The following MED6 variants were observed in gnomAD, a reference collection of about 807,000 sequenced individuals.
MED6 encodes the protein mediator of RNA polymerase II transcription subunit 6.
MED6 carries 33 observed loss-of-function variants against 37.5 expected under a neutral mutation model. The observed-to-expected ratio is 0.88, with a 90% CI of 0.67 to 1.18. The LOEUF (loss-of-function observed/expected upper bound fraction) is 1.18, where lower values mean the gene tolerates loss of function less well. Among genes scored for constraint, MED6 ranks in the 50% most tolerant of loss-of-function variants. The pLI is 0.00. For synonymous variants in MED6, 94 were observed against 93.6 expected (o/e 1.00, Z -0.02); for missense variants, 235 against 290.6 (o/e 0.81, Z 1.39).
intron 6 of MED6, among the ~76,000 whole-genome samples, chr14:70,589,358 T>TC (rs1473320742): frequency 6.6e-6 from 1 of 151,744 alleles, no homozygotes; most frequent in Non-Finnish European, 1.5e-5. Context: ...TTCCTAAGCA[T>TC]CCCCCCCATA....
chr14:70,593,598 C>T (rs112901235), intron 3 of MED6, among the ~76,000 whole-genome samples: 14 of 152,162 alleles, frequency 9.2e-5, no homozygotes, highest in African/African-American at 3.4e-4. Context: ...GACTACGAGG[C>T]CCACAAACCC....
At chr14:70,585,029 A>G in intron 7 of MED6, 86 bp from the exon 8 acceptor site, 1 of 1,433,568 alleles carries the variant, frequency 7.0e-7, no homozygotes, top group Non-Finnish European at 9.5e-7. Flanking sequence ...TCACATTTTC[A>G]AATTCATTTT....
chr14:70,592,060 C>T (rs985678017), intron 5 of MED6, among the ~76,000 whole-genome samples: 2 of 152,182 alleles, frequency 1.3e-5, no homozygotes, highest in African/African-American at 4.8e-5. Context: ...GCAAACTTTC[C>T]TTCATCAAAT....
In MED6 at chr14:70,593,388, T is replaced by C. The variant is rs1432678417; in HGVS notation, c.275-10A>G. On this transcript the variant is annotated splice_polypyrimidine_tract_variant and intron_variant, in intron 3 of 7. Transcript: ENST00000256379. ...TCAGCTAGTGGGATAACTAAAACAG[T>C]GGGAAAAAAGGTTTATAAATACAGC... 2 of 1,602,220 alleles carry C rather than the reference T, an allele frequency of 1.2e-6. No individual in the cohort carries two copies. Among genetic ancestry groups the C allele is most frequent in the Non-Finnish European group, 1.7e-6 (2 of 1,172,302 alleles).
At position 70,583,245 on chromosome 14, in the gene MED6, C is replaced by T. The variant is rs765271151; in HGVS notation, c.*1568G>A. 2.0e-5 allele frequency: 3 copies of T among 151,962 alleles called. No individual in the cohort carries two copies. Among genetic ancestry groups the T allele is most frequent in the Admixed American group, 6.6e-5 (1 of 15,260 alleles). The allele number at this position is 151,962 out of a possible 1,614,324, so 9.4% of individuals were successfully genotyped here. ...CTATTCTTACAACTTTTCTGTTTGC[C>T]GGAAATTATGTCAAAATAAGAAGTT... On this transcript the variant is annotated 3_prime_UTR_variant, in exon 8 of 8. Coordinates refer to ENST00000256379, the MANE Select transcript of MED6 (RefSeq NM_005466.4).
rs930691511 is a variant in MED6 at position 70,595,212 on chromosome 14, T to C, written c.274+1399A>G. 20 of 539,464 alleles carry C rather than the reference T, an allele frequency of 3.7e-5. No individual in the cohort carries two copies. In the African/African-American group the frequency reaches 3.8e-4, roughly 10 times the overall value. The allele number at this position is 539,464 out of a possible 1,614,324, so 33.4% of individuals were successfully genotyped here. A position where few individuals can be genotyped will look rare whatever the true frequency, so the allele number is the denominator to read the frequency against. ...GAACCGTGAAGAGGAAGTAAAGGCC[T>C]ACAAGCCCAGACTGCCAGCTCTGGG... On this transcript the variant is annotated intron_variant, in intron 3 of 7. Transcript: ENST00000256379.
intron 6 of MED6, among the ~76,000 whole-genome samples, chr14:70,586,386 T>C (rs1884708266): frequency 6.6e-6 from 1 of 152,172 alleles, no homozygotes; most frequent in Non-Finnish European, 1.5e-5. Context: ...TGTCATCTCC[T>C]TTGCCCCATT....
rs1353091275 is a variant in MED6 at position 70,586,690 on chromosome 14, T to C, written c.583-907A>G. On this transcript the variant is annotated intron_variant, in intron 6 of 7. Coordinates refer to ENST00000256379, the MANE Select transcript of MED6 (RefSeq NM_005466.4). Reference sequence around the variant, plus strand: ...TGCCCTCCCTAGGCCTTCTTACCTATTCCCACTTCTAACTACAAAATTTTC... The same window carrying C: ...TGCCCTCCCTAGGCCTTCTTACCTACTCCCACTTCTAACTACAAAATTTTC... Among the ~76,000 whole-genome samples the C allele has an allele frequency of 2.6e-5, 4 of 152,210 alleles. No individual in the cohort carries two copies. The East Asian group carries it at 5.8e-4, about 22-fold the overall frequency.
intron 6 of MED6, among the ~76,000 whole-genome samples, chr14:70,589,605 T>C (rs1884812671): frequency 6.6e-6 from 1 of 152,232 alleles, no homozygotes; most frequent in South Asian, 2.1e-4. Flanking sequence ...GGTTTAAAAC[T>C]TAAAATAACT....
At chr14:70,588,931 A>G (rs1289782659) in intron 6 of MED6, among the ~76,000 whole-genome samples, 1 of 152,090 alleles carries the variant, frequency 6.6e-6, no homozygotes, top group Non-Finnish European at 1.5e-5. Context: ...TGAGCTTTCT[A>G]TAACGTCTAG....
chr14:70,591,460 T>A (rs545801146), intron 5 of MED6, 79 bp from the exon 6 acceptor site: 2 of 1,086,194 alleles, frequency 1.8e-6, no homozygotes, highest in South Asian at 2.7e-5. Flanking sequence ...TTATCCACCA[T>A]GAATATACCC....
intron 3 of MED6, chr14:70,595,808 A>G (rs538564378): frequency 3.7e-5 from 26 of 698,240 alleles, no homozygotes; most frequent in Admixed American, 3.2e-4. Context: ...GACCAACAAC[A>G]TCAAAATTCT....
At chr14:70,598,331 C>T (rs1164587974) in intron 1 of MED6, among the ~76,000 whole-genome samples, 2 of 152,064 alleles carry the variant, frequency 1.3e-5, no homozygotes, top group South Asian at 2.1e-4. Flanking sequence ...AAAAATTAGC[C>T]GGGCATGGTG....
Position 70,592,478 on chromosome 14 carries a change from C to CTTTTTTTTTTTTTTTTTTTTTTTT in MED6, c.466+378_466+401dup, listed in dbSNP as rs201036704. 3 of 88,858 alleles carry CTTTTTTTTTTTTTTTTTTTTTTTT rather than the reference C, an allele frequency of 3.4e-5. 1 individual carries two copies. Among genetic ancestry groups the CTTTTTTTTTTTTTTTTTTTTTTTT allele is most frequent in the African/African-American group, 1.8e-4 (3 of 17,010 alleles). 5.5% of individuals were successfully genotyped at this position (88,858 alleles called of 1,614,324 possible). The stretch of plus-strand genomic sequence containing the variant: ...CCACACCACTGTCTCTCCTATGTTC[C>CTTTTTTTTTTTTTTTTTTTTTTTT]TTTTTTTTTTTTTTTTTTTTTTTTT... On this transcript the variant is annotated intron_variant, in intron 5 of 7. Transcript: ENST00000256379.
intron 6 of MED6, among the ~76,000 whole-genome samples, chr14:70,587,652 T>C (rs1424196712): frequency 6.6e-6 from 1 of 152,202 alleles, no homozygotes; most frequent in East Asian, 1.9e-4. Flanking sequence ...TCTAATCTTT[T>C]CTAGTAAGTC....
chr14:70,596,947 C>CT (rs1555359373), intron 2 of MED6, among the ~76,000 whole-genome samples: 1 of 152,134 alleles, frequency 6.6e-6, no homozygotes, highest in Non-Finnish European at 1.5e-5. Context: ...AAATTTAAAT[C>CT]TAAGTATTTT....
chr14:70,591,466 T>TGTGG, intron 5 of MED6, 85 bp from the exon 6 acceptor site: 3 of 1,011,050 alleles, frequency 3.0e-6, no homozygotes, highest in Non-Finnish European at 4.5e-6. Context: ...ACCATGAATA[T>TGTGG]ACCCAAACTT....
Position 70,597,699 on chromosome 14 carries a change from GA to G in MED6, c.100del (p.Ser34GlnfsTer22). On this transcript the variant is annotated frameshift_variant, in exon 2 of 8. Transcript: ENST00000256379. LOFTEE classifies it high-confidence loss of function. Reference sequence around the variant, plus strand: ...GTCATAAAAAGGATTACTTCTTTCTGAAAAGTAATCCAGGACACTACCACTG... The same window carrying G: ...GTCATAAAAAGGATTACTTCTTTCTGAAAGTAATCCAGGACACTACCACTG... ...LNSGSVLDYF[S>X]ERSNPFYDRT... 1.3e-6 allele frequency: 2 copies of G among 1,562,816 alleles called. No individual in the cohort carries two copies. The highest frequency in any genetic ancestry group is 2.1e-5 in the Admixed American group (1 of 47,332).
chr14:70,594,958 G>A (rs1884997573), intron 3 of MED6: 5 of 601,048 alleles, frequency 8.3e-6, no homozygotes, highest in East Asian at 4.0e-5. Context: ...CAAGACCATC[G>A]AGGACCTGAG....
Sources: gnomAD v4.1 joint callset for allele counts (sites outside exome capture counted in the v4.1 genomes callset) on GRCh38, gnomAD v4.1.1 for gene constraint, MANE v1.5 for transcripts, NCBI Gene and HGNC (gene_info 2026-07-23, HGNC 2026-07-21) for gene names.